Variants in HADHA observed in about 807,000 individuals in gnomAD.
HADHA encodes trifunctional enzyme subunit alpha, mitochondrial.
Under a neutral mutation model 91.3 loss-of-function variants are expected in HADHA, and 59 were observed. The observed-to-expected ratio is 0.65, with a 90% CI of 0.52 to 0.80. The LOEUF is 0.80. Ranked by LOEUF, HADHA falls within the 30% of genes least tolerant of loss-of-function variation. The pLI, the probability that HADHA is intolerant of heterozygous loss-of-function variation, is 0.00. For synonymous variants in HADHA, 320 were observed against 338.9 expected (o/e 0.94, Z 0.61); for missense variants, 800 against 927.6 (o/e 0.86, Z 1.79).
At chr2:26,201,650 C>T (rs558626908) in intron 12 of HADHA, among the ~76,000 whole-genome samples, 1 of 152,306 alleles carries the variant, frequency 6.6e-6, no homozygotes, top group African/African-American at 2.4e-5. Context: ...AACATGAATA[C>T]TAGAATGGCA....
chr2:26,215,181 A>C lies in HADHA; in HGVS notation c.677-6T>G. ...TGGAGGTTTTAGTCCTGGTCCTATA[A>C]AAATGAATGCAACACTGGAATGCAA... On this transcript the variant is annotated splice_region_variant and splice_polypyrimidine_tract_variant and intron_variant, in intron 7 of 19. Coordinates refer to ENST00000380649, the MANE Select transcript of HADHA (RefSeq NM_000182.5). The C allele has an allele frequency of 6.2e-7, 1 of 1,612,926 alleles. No homozygotes were observed.
intron 4 of HADHA, chr2:26,235,337 A>T (rs1404969863): frequency 6.6e-6 from 1 of 152,198 alleles, no homozygotes; most frequent in Non-Finnish European, 1.5e-5. Flanking sequence ...AAAAATGATC[A>T]GGTGCAATGA....
At chr2:26,203,308 C>T (rs1159022246) in intron 12 of HADHA, among the ~76,000 whole-genome samples, 1 of 152,186 alleles carries the variant, frequency 6.6e-6, no homozygotes, top group Non-Finnish European at 1.5e-5. Flanking sequence ...AAGTCACATG[C>T]AGGATGCTTT....
intron 14 of HADHA, among the ~76,000 whole-genome samples, chr2:26,196,611 A>C (rs186819442): frequency 6.6e-6 from 1 of 152,284 alleles, no homozygotes; most frequent in East Asian, 1.9e-4. Flanking sequence ...CTCCCGGGCA[A>C]ACCAAGATGG....
chr2:26,196,961 T>C (rs985783679), intron 14 of HADHA, among the ~76,000 whole-genome samples: 22 of 152,346 alleles, frequency 1.4e-4, no homozygotes, highest in Admixed American at 2.6e-4. Context: ...GCTAGGAAAC[T>C]AGATTACCTT....
In HADHA at chr2:26,239,107, A is replaced by C; in HGVS notation, c.104T>G (p.Leu35Trp). 6.2e-7 allele frequency: 1 copy of C among 1,607,364 alleles called. No individual in the cohort carries two copies. The highest frequency in any genetic ancestry group is 8.5e-7 in the Non-Finnish European group (1 of 1,173,908). The part of the protein sequence containing the change: ...ICRNFTGSSA[L>W]LTRTHINYGV... ...TAAAAAGAAATTAAACTTACTCAGC[A>C]AAGCAGAAGACCCTGTAAAATTGCG... The change falls in exon 2 of 20, where the codon TTG (leucine) becomes TGG (tryptophan). Residue 35 changes from leucine to tryptophan, a missense_variant. Transcript: ENST00000380649.
At chr2:26,193,293 C>CTTTTTTT (rs370942158) in intron 17 of HADHA, among the ~76,000 whole-genome samples, 1 of 115,164 alleles carries the variant, frequency 8.7e-6, no homozygotes, top group Non-Finnish European at 1.7e-5. Flanking sequence ...CACATGACAT[C>CTTTTTTT]TTTTTTTTTT....
chr2:26,244,552 G>A lies in HADHA; in HGVS notation c.45C>T (p.Ala15=), dbSNP rs1671029543. The change falls in exon 1 of 20, where the codon GCC becomes GCT. Residue 15 remains alanine, a synonymous_variant. Coordinates refer to ENST00000380649, the MANE Select transcript of HADHA (RefSeq NM_000182.5). ...CACCTCGGGAGCGGAGGATCCTGAA[G>A]GCAGAAAAGCGGCTGAGGATGCCAA... ...RAIGILSRFS[A]FRILRSRGYI... 3 of 1,587,808 alleles carry A rather than the reference G, an allele frequency of 1.9e-6. No homozygotes were observed. The highest frequency in any genetic ancestry group is 2.3e-5 in the South Asian group (2 of 87,232).
intron 13 of HADHA, among the ~76,000 whole-genome samples, chr2:26,198,435 G>GT: frequency 6.6e-6 from 1 of 151,218 alleles, no homozygotes; most frequent in Admixed American, 6.6e-5. Context: ...GAGTGTAGTG[G>GT]TGCAATCTAG....
intron 6 of HADHA, among the ~76,000 whole-genome samples, chr2:26,230,540 T>C (rs1360187933): frequency 6.6e-6 from 1 of 152,210 alleles, no homozygotes; most frequent in African/African-American, 2.4e-5. Flanking sequence ...ATAGGATTCT[T>C]ATACTAATAA....
intron 10 of HADHA, 89 bp downstream of exon 10, chr2:26,212,481 A>T: frequency 2.1e-6 from 2 of 936,756 alleles, no homozygotes; most frequent in Non-Finnish European, 3.5e-6. Context: ...GGCTTTGGAT[A>T]TTTTTTTCCT....
At chr2:26,204,959 T>C (rs1427153153) in intron 11 of HADHA, among the ~76,000 whole-genome samples, 2 of 152,168 alleles carry the variant, frequency 1.3e-5, no homozygotes, top group African/African-American at 4.8e-5. Flanking sequence ...CATGGTCTCT[T>C]TGCTTCCAGA....
chr2:26,211,829 G>A (rs1342953414), intron 10 of HADHA: 2 of 152,174 alleles, frequency 1.3e-5, no homozygotes, highest in Non-Finnish European at 2.9e-5. Flanking sequence ...GTCTTTTAGT[G>A]GGTACAAGAT....
intron 7 of HADHA, among the ~76,000 whole-genome samples, chr2:26,217,203 A>G (rs1037471419): frequency 3.3e-5 from 5 of 152,144 alleles, no homozygotes; most frequent in African/African-American, 9.7e-5. Flanking sequence ...AGTGAATCAC[A>G]TGGGATTGGA....
At position 26,204,073 on chromosome 2, in the gene HADHA, T is replaced by C. The variant is rs780178287; in HGVS notation, c.1209A>G (p.Gln403=). 1.8e-5 allele frequency: 29 copies of C among 1,613,922 alleles called. 1 individual carries two copies. The East Asian group carries it at 5.3e-4, about 30-fold the overall frequency. The stretch of plus-strand genomic sequence containing the variant: ...GAGAGCAGGCTTACCCTTTGAACAC[T>C]TGTTGCTGTCCTCGGTCTAGCGCAG... ...TLTALDRGQQ[Q]VFKGLNDKVK... is the part of the protein sequence containing the mutation. Residue 403 remains glutamine, a synonymous_variant, in exon 12 of 20, where the codon CAA becomes CAG. Transcript: ENST00000380649.
Position 26,195,164 on chromosome 2 carries a change from T to C in HADHA, c.1548A>G (p.Lys516=). ...CTGAAGCACTGGTGTCTTTGGAAGTTTTCTCGGTCGTGATAATCTCCAGCA... is the reference window on the plus strand; with the variant it reads ...CTGAAGCACTGGTGTCTTTGGAAGTCTTCTCGGTCGTGATAATCTCCAGCA... ...MQLLEIITTE[K]TSKDTSASAV... Residue 516 remains lysine (K), a synonymous_variant, in exon 15 of 20, where the codon AAA becomes AAG. Transcript: ENST00000380649. 1.9e-6 allele frequency: 3 copies of C among 1,612,628 alleles called. No homozygotes were observed. Among genetic ancestry groups the C allele is most frequent in the Non-Finnish European group, 2.5e-6 (3 of 1,178,770 alleles).
At chr2:26,244,315 T>G (rs1002543829) in intron 1 of HADHA, among the ~76,000 whole-genome samples, 1 of 152,178 alleles carries the variant, frequency 6.6e-6, no homozygotes, top group Non-Finnish European at 1.5e-5. Context: ...GTTGGGGAGT[T>G]AGGAAGCCTG....
intron 12 of HADHA, among the ~76,000 whole-genome samples, chr2:26,203,197 A>G (rs1669889319): frequency 6.6e-6 from 1 of 152,242 alleles, no homozygotes. Context: ...GGTCCTGGTT[A>G]GCATTATGGC....
intron 13 of HADHA, chr2:26,199,222 G>C (rs1669764679): frequency 6.6e-6 from 1 of 152,212 alleles, no homozygotes; most frequent in African/African-American, 2.4e-5. Flanking sequence ...TAAAAAACTA[G>C]CCAGGCATGG....
Sources: gnomAD v4.1 joint callset for allele counts (sites outside exome capture counted in the v4.1 genomes callset) on GRCh38, gnomAD v4.1.1 for gene constraint, MANE v1.5 for transcripts, NCBI Gene and HGNC (gene_info 2026-07-23, HGNC 2026-07-21) for gene names.